The following KCNQ5 variants were observed in gnomAD, a reference collection of about 807,000 sequenced individuals.
The protein encoded by KCNQ5 is potassium voltage-gated channel subfamily KQT member 5.
KCNQ5 carries 30 observed loss-of-function variants against 98.2 expected under a neutral mutation model. The observed-to-expected ratio is 0.31, with a 90% confidence interval of 0.23 to 0.41. The LOEUF (loss-of-function observed/expected upper bound fraction) is 0.41. Among genes scored for constraint, KCNQ5 ranks in the 10% least tolerant of loss-of-function variants. The pLI, the probability that KCNQ5 is intolerant of heterozygous loss-of-function variation, is 1.00. For missense variants in KCNQ5, 835 were observed against 1,182.5 expected (o/e 0.71, Z 4.31); for synonymous variants, 458 against 449.4 (o/e 1.02, Z -0.24).
intron 1 of KCNQ5, among the ~76,000 whole-genome samples, chr6:72,669,584 G>T (rs1766997228): frequency 6.6e-6 from 1 of 152,150 alleles, no homozygotes; most frequent in African/African-American, 2.4e-5. Flanking sequence ...CCTGTGGTGG[G>T]AGTGGCAGTT....
At chr6:72,909,158 A>G (rs2150203112) in intron 1 of KCNQ5, among the ~76,000 whole-genome samples, 1 of 152,320 alleles carries the variant, frequency 6.6e-6, no homozygotes, top group Middle Eastern at 3.4e-3. Flanking sequence ...ATCTTATTTC[A>G]CTTGAAAGAA....
chr6:73,062,234 T>TA (rs1474663650), intron 3 of KCNQ5, among the ~76,000 whole-genome samples: 1 of 152,216 alleles, frequency 6.6e-6, no homozygotes, highest in East Asian at 1.9e-4. Flanking sequence ...CCTGGCCTCT[T>TA]AACTAAGTTA....
chr6:73,043,994 T>G (rs1771838565), intron 3 of KCNQ5, among the ~76,000 whole-genome samples: 1 of 152,182 alleles, frequency 6.6e-6, no homozygotes, highest in Non-Finnish European at 1.5e-5. Context: ...ACCTTAAAAA[T>G]TTAGTATGAT....
At chr6:73,019,037 A>G (rs1770472185) in intron 2 of KCNQ5, among the ~76,000 whole-genome samples, 1 of 152,028 alleles carries the variant, frequency 6.6e-6, no homozygotes. Flanking sequence ...GCATCACCAC[A>G]TTGTATGCAA....
rs1298500041 is a variant in KCNQ5, at chr6:73,061,129, GA to G, written c.617-16188del. Among the ~76,000 whole-genome samples the G allele has an allele frequency of 5.9e-5, 9 of 152,094 alleles. 1 individual carries two copies. Among genetic ancestry groups the G allele is most frequent in the Non-Finnish European group, 4.4e-5 (3 of 67,982 alleles). On this transcript the variant is annotated intron_variant, in intron 3 of 13. Coordinates refer to ENST00000370398, the MANE Select transcript of KCNQ5 (RefSeq NM_019842.4). ...GAATCCCAAGATATATGAAATAAAA[GA>G]AAAATGAAATGTAATACTGCATATA...
At chr6:73,153,201 G>A (rs1051088233) in intron 10 of KCNQ5, among the ~76,000 whole-genome samples, 3 of 152,060 alleles carry the variant, frequency 2.0e-5, no homozygotes, top group Non-Finnish European at 4.4e-5. Flanking sequence ...TTTTCTCAGT[G>A]TTGGCATAGG....
chr6:72,986,515 G>T, intron 1 of KCNQ5: 1 of 552,522 alleles, frequency 1.8e-6, no homozygotes, highest in Non-Finnish European at 3.3e-6. Context: ...CCCTCTAAGA[G>T]TGTGGTCCAT....
intron 1 of KCNQ5, among the ~76,000 whole-genome samples, chr6:72,685,201 G>T (rs945853564): frequency 2.6e-5 from 4 of 152,154 alleles, no homozygotes; most frequent in African/African-American, 4.8e-5. Flanking sequence ...TGTATTGAAA[G>T]CCTGGACCCA....
chr6:73,042,333 T>C, intron 3 of KCNQ5: 1 of 467,580 alleles, frequency 2.1e-6, no homozygotes, highest in South Asian at 2.2e-5. Flanking sequence ...AGCTACTAAG[T>C]GGTAGAGCTT....
intron 1 of KCNQ5, chr6:72,678,641 A>G (rs1420867838): frequency 6.6e-6 from 1 of 152,178 alleles, no homozygotes; most frequent in East Asian, 1.9e-4. Context: ...CTAGAATACC[A>G]TAATATAAAA....
chr6:72,978,327 T>C (rs770481889), intron 1 of KCNQ5, among the ~76,000 whole-genome samples: 35 of 152,148 alleles, frequency 2.3e-4, no homozygotes, highest in Non-Finnish European at 4.1e-4. Context: ...GATTTCTAAA[T>C]TGTAGATCTT....
chr6:73,005,352 C>G (rs767121826), intron 2 of KCNQ5, among the ~76,000 whole-genome samples: 2 of 152,180 alleles, frequency 1.3e-5, no homozygotes, highest in Non-Finnish European at 2.9e-5. Context: ...ACATATGGAA[C>G]TACAACCAGG....
chr6:72,827,429 G>C (rs1481715710), intron 1 of KCNQ5, among the ~76,000 whole-genome samples: 2 of 151,882 alleles, frequency 1.3e-5, no homozygotes, highest in Admixed American at 6.6e-5. Context: ...TCCTAACTGG[G>C]GTAAGAAGAT....
intron 2 of KCNQ5, among the ~76,000 whole-genome samples, chr6:73,026,354 G>A (rs1392414858): frequency 3.9e-5 from 6 of 152,110 alleles, no homozygotes; most frequent in Non-Finnish European, 5.9e-5. Context: ...CAGCCAGCCC[G>A]GTCTCCTTGT....
At chr6:72,793,319 C>CA (rs556594043) in intron 1 of KCNQ5, among the ~76,000 whole-genome samples, 1,524 of 151,344 alleles carry the variant, frequency 0.01, 24 homozygotes, top group African/African-American at 0.033. Flanking sequence ...GTCACCATTT[C>CA]AAAAAAAAAT....
rs911829435 is a variant in KCNQ5, at chr6:72,986,281, C to T, written c.399-17627C>T. ...TATACACCACGGAATACTACACAGTCATAAAAAAGAATGAAATTGGGGTCA... is the reference window on the plus strand; with the variant it reads ...TATACACCACGGAATACTACACAGTTATAAAAAAGAATGAAATTGGGGTCA... On this transcript the variant is annotated intron_variant, in intron 1 of 13. Coordinates refer to ENST00000370398, the MANE Select transcript of KCNQ5 (RefSeq NM_019842.4). 64 of 262,874 alleles carry T rather than the reference C, an allele frequency of 2.4e-4. No homozygotes were observed. The East Asian group carries it at 4.4e-3, about 18-fold the overall frequency. The allele number at this position is 262,874 out of a possible 1,614,324, so 16.3% of individuals were successfully genotyped here.
chr6:72,958,218 G>A (rs1448173974), intron 1 of KCNQ5, among the ~76,000 whole-genome samples: 2 of 152,166 alleles, frequency 1.3e-5, no homozygotes, highest in Non-Finnish European at 2.9e-5. Context: ...CAAATGGGCA[G>A]TAGAGAGGTA....
At chr6:72,638,092 G>A (rs2098925231) in intron 1 of KCNQ5, among the ~76,000 whole-genome samples, 1 of 152,138 alleles carries the variant, frequency 6.6e-6, no homozygotes, top group Non-Finnish European at 1.5e-5. Context: ...GGTAGGACAG[G>A]AAGCATAATA....
At chr6:72,638,529 G>A (rs2154471907) in intron 1 of KCNQ5, among the ~76,000 whole-genome samples, 1 of 152,160 alleles carries the variant, frequency 6.6e-6, no homozygotes, top group Non-Finnish European at 1.5e-5. Context: ...ACGTTGTACT[G>A]GAGAAGACAG....
Sources: gnomAD v4.1 joint callset for allele counts (sites outside exome capture counted in the v4.1 genomes callset) on GRCh38, gnomAD v4.1.1 for gene constraint, MANE v1.5 for transcripts, NCBI Gene and HGNC (gene_info 2026-07-23, HGNC 2026-07-21) for gene names.